KCNU1: variants seen among roughly 807,000 people sequenced by gnomAD.
The protein encoded by KCNU1 is potassium channel subfamily U member 1.
Under a neutral mutation model 126.8 loss-of-function variants are expected in KCNU1, and 93 were observed. The ratio of observed to expected loss-of-function variants is 0.73; its 90% confidence interval spans 0.62 to 0.87. KCNU1 has a LOEUF of 0.87. Ranked by LOEUF, KCNU1 falls within the 40% of genes least tolerant of loss-of-function variation. The pLI is 0.00. For synonymous variants in KCNU1, 523 were observed against 494.2 expected, an observed-to-expected ratio of 1.06 and a Z score of -0.77; for missense variants, 1,330 against 1,367.1, an observed-to-expected ratio of 0.97 and a Z score of 0.43.
At chr8:36,862,026 A>G (rs529758785) in intron 18 of KCNU1, among the ~76,000 whole-genome samples, 1 of 152,174 alleles carries the variant, frequency 6.6e-6, no homozygotes, top group South Asian at 2.1e-4. Flanking sequence ...GTTTTTTGGT[A>G]TCCAGTGCTT....
intron 19 of KCNU1, among the ~76,000 whole-genome samples, chr8:36,883,717 G>C (rs923046267): frequency 2.0e-5 from 3 of 152,180 alleles, no homozygotes; most frequent in Admixed American, 6.5e-5. Context: ...TTTGAGCCCA[G>C]GAGGTCGAGG....
chr8:36,873,817 C>T (rs1398385381), intron 19 of KCNU1, among the ~76,000 whole-genome samples: 6 of 152,158 alleles, frequency 3.9e-5, no homozygotes, highest in Admixed American at 1.3e-4. Context: ...ATTGGAATTG[C>T]TTGGTAAACA....
intron 24 of KCNU1, 44 bp from the exon 25 acceptor site, chr8:36,930,907 A>T (rs763796849): frequency 6.9e-7 from 1 of 1,449,752 alleles, no homozygotes; most frequent in African/African-American, 1.4e-5. Flanking sequence ...CAGTTCACAT[A>T]TTGGCTCTTC....
intron 22 of KCNU1, among the ~76,000 whole-genome samples, chr8:36,917,929 G>T (rs1808181541): frequency 6.6e-6 from 1 of 152,124 alleles, no homozygotes. Context: ...CTTCCATATG[G>T]AGACAGGCAG....
chr8:36,927,103 A>G (rs747742907), intron 24 of KCNU1, among the ~76,000 whole-genome samples: 7 of 152,192 alleles, frequency 4.6e-5, no homozygotes, highest in Non-Finnish European at 8.8e-5. Flanking sequence ...AATCCCAAGA[A>G]GGCAACAAAG....
intron 19 of KCNU1, among the ~76,000 whole-genome samples, chr8:36,876,370 T>C (rs551455121): frequency 2.0e-5 from 3 of 152,142 alleles, no homozygotes; most frequent in Admixed American, 2.0e-4. Flanking sequence ...CATTTTTCTG[T>C]TTTTCAAAGT....
intron 13 of KCNU1, 58 bp downstream of exon 13, chr8:36,836,423 C>A: frequency 6.6e-6 from 8 of 1,214,032 alleles, no homozygotes; most frequent in South Asian, 1.3e-5. Flanking sequence ...GCTAGACGAA[C>A]TTTTTAATTT....
chr8:36,912,632 A>G (rs185809665), intron 22 of KCNU1, among the ~76,000 whole-genome samples: 31 of 152,208 alleles, frequency 2.0e-4, no homozygotes, highest in African/African-American at 6.7e-4. Flanking sequence ...GTGCATGTGC[A>G]TGCTTGTAAC....
At chr8:36,927,089 T>C (rs1348665632) in intron 24 of KCNU1, among the ~76,000 whole-genome samples, 1 of 152,130 alleles carries the variant, frequency 6.6e-6, no homozygotes, top group Non-Finnish European at 1.5e-5. Context: ...AGAATAAATG[T>C]GCGAATCCCA....
chr8:36,935,320 C>A (rs777855305), intron 26 of KCNU1, among the ~76,000 whole-genome samples, 195 bp from the exon 27 acceptor site: 6 of 152,112 alleles, frequency 3.9e-5, no homozygotes, highest in Non-Finnish European at 8.8e-5. Context: ...TACTCTAGAA[C>A]CTCTCCTCTT....
chr8:36,882,742 C>T (rs999944070), intron 19 of KCNU1, among the ~76,000 whole-genome samples: 5 of 152,114 alleles, frequency 3.3e-5, no homozygotes. Flanking sequence ...CGCCACCACA[C>T]CCAGCTAATT....
At chr8:36,922,941 A>G (rs965950927) in intron 24 of KCNU1, 9 of 507,382 alleles carry the variant, frequency 1.8e-5, no homozygotes, top group Admixed American at 9.1e-5. Flanking sequence ...ATCAGAGCTC[A>G]GGAGATACCA....
intron 4 of KCNU1, among the ~76,000 whole-genome samples, 191 bp downstream of exon 4, chr8:36,805,476 G>C (rs912384990): frequency 1.3e-5 from 2 of 152,136 alleles, no homozygotes; most frequent in Non-Finnish European, 2.9e-5. Flanking sequence ...GCTAAACCAG[G>C]TTAAAAGTTC....
chr8:36,805,280 T>C lies in KCNU1; in HGVS notation c.463T>C (p.Leu155=). The C allele has an allele frequency of 6.3e-7, 1 of 1,583,448 alleles. No homozygotes were observed. Among genetic ancestry groups the C allele is most frequent in the Middle Eastern group, 1.7e-4 (1 of 6,000 alleles). The part of the protein sequence containing the change: ...FNAFFSFYFG[L]RFMAADDKIK... ...TGCTTTCTTTAGTTTCTATTTTGGATTGAGGGTAAGTACCTATTGAAAGTG... is the reference window on the plus strand; with the variant it reads ...TGCTTTCTTTAGTTTCTATTTTGGACTGAGGGTAAGTACCTATTGAAAGTG... Residue 155 remains leucine, a synonymous_variant, in exon 4 of 27, where the codon TTG becomes CTG. Transcript: ENST00000399881.
At chr8:36,932,866 T>C in intron 25 of KCNU1, 54 bp from the exon 26 acceptor site, 4 of 1,012,162 alleles carry the variant, frequency 4.0e-6, no homozygotes, top group Non-Finnish European at 6.1e-6. Context: ...TGAGTGCTTA[T>C]AATTGCTTGA....
In KCNU1 at chr8:36,855,777, G is replaced by C. The variant is rs111922490; in HGVS notation, c.1892-8627G>C. On this transcript the variant is annotated intron_variant, in intron 18 of 26. Coordinates refer to ENST00000399881, the MANE Select transcript of KCNU1 (RefSeq NM_001031836.3). Reference sequence around the variant, plus strand: ...TACCTTTTATTTTATTTTTTTTCTGGTATCTTGTCTTCATTTTTTAAAGAT... The same window carrying C: ...TACCTTTTATTTTATTTTTTTTCTGCTATCTTGTCTTCATTTTTTAAAGAT... Among the ~76,000 whole-genome samples the C allele has an allele frequency of 1.1e-4, 17 of 151,760 alleles. 4 individuals are homozygous for C. The highest frequency in any genetic ancestry group is 4.1e-4 in the African/African-American group (17 of 41,366).
At chr8:36,801,584 A>G (rs1803308471) in intron 2 of KCNU1, among the ~76,000 whole-genome samples, 1 of 152,134 alleles carries the variant, frequency 6.6e-6, no homozygotes, top group Admixed American at 6.5e-5. Flanking sequence ...CATAAGAGAA[A>G]AAATGTACAT....
intron 19 of KCNU1, among the ~76,000 whole-genome samples, chr8:36,869,953 C>T (rs1311415021): frequency 6.6e-6 from 1 of 152,082 alleles, no homozygotes; most frequent in Non-Finnish European, 1.5e-5. Context: ...ATCTATAGAC[C>T]ACCAGCCTGA....
chr8:36,820,763 T>G (rs569825418), intron 10 of KCNU1, among the ~76,000 whole-genome samples: 58 of 152,262 alleles, frequency 3.8e-4, no homozygotes, highest in African/African-American at 1.3e-3. Flanking sequence ...CTATAACATT[T>G]GACTTCAAGG....
Sources: gnomAD v4.1 joint callset for allele counts (sites outside exome capture counted in the v4.1 genomes callset) on GRCh38, gnomAD v4.1.1 for gene constraint, MANE v1.5 for transcripts, NCBI Gene and HGNC (gene_info 2026-07-23, HGNC 2026-07-21) for gene names.